ZNF432: variants seen among roughly 807,000 people sequenced by gnomAD.
The protein encoded by ZNF432 is zinc finger protein 432.
Under a neutral mutation model 13.9 loss-of-function variants are expected in ZNF432, and 10 were observed. The ratio of observed to expected loss-of-function variants is 0.72; its 90% CI spans 0.44 to 1.22. The LOEUF is 1.22. Ranked by LOEUF, ZNF432 falls within the 50% of genes most tolerant of loss-of-function variation. The pLI is 0.00. For synonymous variants in ZNF432, 247 were observed against 256.2 expected, an observed-to-expected ratio of 0.96 and a Z score of 0.34; for missense variants, 793 against 796.2, an observed-to-expected ratio of 1.00 and a Z score of 0.05.
At chr19:52,048,621 G>A (rs981916449) in intron 1 of ZNF432, 74 bp downstream of exon 1, 3 of 111,392 alleles carry the variant, frequency 2.7e-5, no homozygotes, top group African/African-American at 1.1e-4. Context: ...CCACCATATA[G>A]CGCCACCAAC....
intron 1 of ZNF432, 88 bp from the exon 2 acceptor site, chr19:52,047,148 G>T (rs17779341): frequency 0.35 from 143,618 of 409,550 alleles, 26,789 homozygotes; most frequent in South Asian, 0.6. Context: ...CTCAAACCAA[G>T]GAAACACAAG....
chr19:52,034,309 T>A lies in ZNF432; in HGVS notation c.1370A>T (p.Tyr457Phe). 6.2e-7 allele frequency: 1 copy of A among 1,609,584 alleles called. No homozygotes were observed. ...HQRTHTGEKP[Y>F]TCSECGKGFP... is the part of the protein sequence containing the mutation. ...GCCTTTCCCACATTCACTGCATGTG[T>A]AGGGCTTCTCTCCTGTATGAGTTCG... Residue 457 changes from tyrosine to phenylalanine, a missense_variant, in exon 5 of 5, where the codon TAC becomes TTC. Transcript: ENST00000221315.
In ZNF432 at chr19:52,038,557, T is replaced by C. The variant is rs1195104276; in HGVS notation, c.238+1931A>G. 7.2e-5 allele frequency among the ~76,000 whole-genome samples: 11 copies of C among 152,206 alleles called. 1 individual carries two copies. Among genetic ancestry groups the C allele is most frequent in the Non-Finnish European group, 4.4e-5 (3 of 68,046 alleles). On this transcript the variant is annotated intron_variant, in intron 4 of 4. Coordinates refer to ENST00000221315, the MANE Select transcript of ZNF432 (RefSeq NM_014650.4). Reference sequence around the variant, plus strand: ...CCCCCACCTAGGCCTCCCAAAGTGCTGGGATTACAGGCATGAGCCACCGCA... The same window carrying C: ...CCCCCACCTAGGCCTCCCAAAGTGCCGGGATTACAGGCATGAGCCACCGCA...
At chr19:52,048,223 C>T (rs375329934) in intron 1 of ZNF432, among the ~76,000 whole-genome samples, 4 of 150,314 alleles carry the variant, frequency 2.7e-5, no homozygotes, top group African/African-American at 7.3e-5. Flanking sequence ...TCGGCTTTCA[C>T]TTGTCTCTAG....
At chr19:52,041,192 T>C (rs1295377326) in intron 3 of ZNF432, among the ~76,000 whole-genome samples, 2 of 152,134 alleles carry the variant, frequency 1.3e-5, no homozygotes, top group South Asian at 2.1e-4. Flanking sequence ...CAGGCATAAT[T>C]TGGAGATGAT....
chr19:52,042,074 G>A (rs1284325443), intron 2 of ZNF432, among the ~76,000 whole-genome samples: 1 of 152,088 alleles, frequency 6.6e-6, no homozygotes, highest in African/African-American at 2.4e-5. Flanking sequence ...CTATTAAAGA[G>A]TAACCAAATT....
chr19:52,034,025 T>C lies in ZNF432; in HGVS notation c.1654A>G (p.Met552Val), dbSNP rs1017601084. The change falls in exon 5 of 5, where the codon ATG becomes GTG. Residue 552 changes from methionine to valine, a missense_variant. By Grantham distance (21) the Met-to-Val change is conservative. Coordinates refer to ENST00000221315, the MANE Select transcript of ZNF432 (RefSeq NM_014650.4). ...TGATGTACAATGAGATAGCGTTTCA[T>C]GGTGAAGCCTTTTCCACATTCACTG... ...MCSECGKGFT[M>V]KRYLIVHQQI... 2 of 1,614,212 alleles carry C rather than the reference T, an allele frequency of 1.2e-6. No homozygotes were observed. Among genetic ancestry groups the C allele is most frequent in the Admixed American group, 1.7e-5 (1 of 60,034 alleles).
At chr19:52,044,192 C>T (rs1044665113) in intron 2 of ZNF432, among the ~76,000 whole-genome samples, 2 of 152,038 alleles carry the variant, frequency 1.3e-5, no homozygotes, top group African/African-American at 4.8e-5. Flanking sequence ...ATTCTTAATG[C>T]TGCTGATCTC....
intron 2 of ZNF432, among the ~76,000 whole-genome samples, chr19:52,045,938 T>C (rs765799935): frequency 7.5e-6 from 1 of 133,542 alleles, no homozygotes; most frequent in Non-Finnish European, 1.5e-5. Flanking sequence ...GAGGTTGCAG[T>C]AAGCCAAGAT....
intron 2 of ZNF432, among the ~76,000 whole-genome samples, chr19:52,044,812 T>C (rs1342553056): frequency 6.6e-6 from 1 of 152,192 alleles, no homozygotes; most frequent in Non-Finnish European, 1.5e-5. Flanking sequence ...TTAACAATGT[T>C]TTCATGTATG....
intron 4 of ZNF432, among the ~76,000 whole-genome samples, chr19:52,039,029 C>T (rs1036711234): frequency 6.6e-6 from 1 of 152,258 alleles, no homozygotes; most frequent in Non-Finnish European, 1.5e-5. Context: ...GCCATGTGGG[C>T]TGTATGTGAC....
At chr19:52,047,122 CTCTT>C in intron 1 of ZNF432, 62 bp from the exon 2 acceptor site, 1 of 437,242 alleles carries the variant, frequency 2.3e-6, no homozygotes, top group Non-Finnish European at 4.1e-6. Flanking sequence ...GAATATTTGT[CTCTT>C]TATTTGGTTC....
rs2087028095 is a variant in ZNF432, at chr19:52,032,784, C to G, written c.*936G>C. ...TTTTTACTTCATGAATTTCCTGATC[C>G]TTTTTAAAGTTACTCTTCATATAAG... On this transcript the variant is annotated 3_prime_UTR_variant, in exon 5 of 5. Coordinates refer to ENST00000221315, the MANE Select transcript of ZNF432 (RefSeq NM_014650.4). 6.6e-6 allele frequency: 1 copy of G among 152,098 alleles called. No homozygotes were observed. The highest frequency in any genetic ancestry group is 2.4e-5 in the African/African-American group (1 of 41,418). The allele number at this position is 152,098 out of a possible 1,614,324, so 9.4% of individuals were successfully genotyped here. A position where few individuals can be genotyped will look rare whatever the true frequency, so the allele number is the denominator to read the frequency against.
intron 2 of ZNF432, 123 bp from the exon 3 acceptor site, chr19:52,041,729 T>C (rs2087138764): frequency 1.7e-6 from 2 of 1,145,928 alleles, no homozygotes; most frequent in Non-Finnish European, 2.4e-6. Context: ...ATAAGTCTAT[T>C]GTATTTTTTA....
rs2087020361 is a variant in ZNF432, at chr19:52,032,142, A to AAACT, written c.*1574_*1577dup. ...AAAATAACATTTAAGGCATTTTTGT[A>AAACT]AACTACATAATGGTACCTAGTAACT... On this transcript the variant is annotated 3_prime_UTR_variant, in exon 5 of 5. Coordinates refer to ENST00000221315, the MANE Select transcript of ZNF432 (RefSeq NM_014650.4). The AAACT allele has an allele frequency of 6.6e-6, 1 of 152,244 alleles. No individual in the cohort carries two copies. The highest frequency in any genetic ancestry group is 1.5e-5 in the Non-Finnish European group (1 of 68,036). 9.4% of individuals were successfully genotyped at this position (152,244 alleles called of 1,614,324 possible). A position where few individuals can be genotyped will look rare whatever the true frequency, so the allele number is the denominator to read the frequency against.
rs148511137 is a variant in ZNF432, at chr19:52,034,295, A to C, written c.1384T>G (p.Cys462Gly). The C allele has an allele frequency of 1.9e-6, 3 of 1,609,702 alleles. No homozygotes were observed. The change falls in exon 5 of 5, where the codon TGT (cysteine) becomes GGT (glycine). Residue 462 changes from cysteine (C) to glycine (G), a missense_variant. Transcript: ENST00000221315. ...TGEKPYTCSECGKGFPLKSRL... is the reference protein window; with the variant it reads ...TGEKPYTCSEGGKGFPLKSRL... ...CTCTTCAAGGGGAAGCCTTTCCCAC[A>C]TTCACTGCATGTGTAGGGCTTCTCT...
At position 52,031,724 on chromosome 19, in the gene ZNF432, G is replaced by A. The variant is rs112095094; in HGVS notation, c.*1996C>T. ...AAGAGGTAGCAAGAGGAGGCCAGGC[G>A]TGGTGGCTCATGCCTGTAATCCCAG... On this transcript the variant is annotated 3_prime_UTR_variant, in exon 5 of 5. Coordinates refer to ENST00000221315, the MANE Select transcript of ZNF432 (RefSeq NM_014650.4). 4.5e-4 allele frequency: 68 copies of A among 152,594 alleles called. No homozygotes were observed. The highest frequency in any genetic ancestry group is 1.4e-3 in the African/African-American group (60 of 41,590). The allele number at this position is 152,594 out of a possible 1,614,324, so 9.5% of individuals were successfully genotyped here. A position where few individuals can be genotyped will look rare whatever the true frequency, so the allele number is the denominator to read the frequency against.
chr19:52,034,198 A>G lies in ZNF432; in HGVS notation c.1481T>C (p.Phe494Ser). 1 of 1,614,174 alleles carries G rather than the reference A, an allele frequency of 6.2e-7. No homozygotes were observed. The highest frequency in any genetic ancestry group is 8.5e-7 in the Non-Finnish European group (1 of 1,180,016). The change falls in exon 5 of 5, where the codon TTC (phenylalanine) becomes TCC (serine). Residue 494 changes from phenylalanine (F) to serine (S), a missense_variant. Coordinates refer to ENST00000221315, the MANE Select transcript of ZNF432 (RefSeq NM_014650.4). ...PYRCSECGKG[F>S]IVNSGLMLHQ... The stretch of plus-strand genomic sequence containing the variant: ...TAACATCAGTCCGCTATTCACAATG[A>G]AACCTTTCCCACATTCACTGCACCT...
chr19:52,045,261 A>G (rs955920324), intron 2 of ZNF432, among the ~76,000 whole-genome samples: 6 of 152,204 alleles, frequency 3.9e-5, no homozygotes, highest in Non-Finnish European at 8.8e-5. Flanking sequence ...TTTCAGTGAC[A>G]GCAAGTATGT....
Sources: allele counts gnomAD v4.1 joint callset (sites outside exome capture counted in the v4.1 genomes callset), GRCh38; gene constraint gnomAD v4.1.1; transcripts MANE v1.5; gene names NCBI Gene and HGNC (gene_info 2026-07-23, HGNC 2026-07-21).